The following GBE1 variants were observed in gnomAD, a reference collection of about 807,000 sequenced individuals.
GBE1 encodes the protein 1,4-alpha-glucan-branching enzyme.
GBE1 carries 70 observed loss-of-function variants against 88.8 expected under a neutral mutation model. The ratio of observed to expected loss-of-function variants is 0.79; its 90% CI spans 0.65 to 0.96. The LOEUF (loss-of-function observed/expected upper bound fraction) is 0.96. Among genes scored for constraint, GBE1 ranks in the 40% least tolerant of loss-of-function variants. The pLI, the probability that GBE1 is intolerant of heterozygous loss-of-function variation, is 0.00. For synonymous variants in GBE1, 284 were observed against 300.1 expected (o/e 0.95, Z 0.56); for missense variants, 872 against 871.0 (o/e 1.00, Z -0.01).
In GBE1 at chr3:81,686,571, A is replaced by C. The variant is rs192619238; in HGVS notation, c.314-15618T>G. ...CAGGAGTTTAAGACCAGCCTGACCA[A>C]CACGGAGAAACCCCATCTCTCCTAA... On this transcript the variant is annotated intron_variant, in intron 2 of 15. Transcript: ENST00000429644. Among the ~76,000 whole-genome samples the C allele has an allele frequency of 2.4e-3, 365 of 152,262 alleles. 5 individuals are homozygous for C. The highest frequency in any genetic ancestry group is 8.4e-3 in the African/African-American group (350 of 41,538).
intron 1 of GBE1, among the ~76,000 whole-genome samples, chr3:81,750,061 CTA>C (rs906928371): frequency 1.3e-5 from 2 of 152,146 alleles, no homozygotes; most frequent in Non-Finnish European, 2.9e-5. Context: ...CACTACACTC[CTA>C]TTACTAGTAA....
At chr3:81,506,423 G>A (rs1250663493) in intron 14 of GBE1, among the ~76,000 whole-genome samples, 2 of 152,054 alleles carry the variant, frequency 1.3e-5, no homozygotes, top group African/African-American at 2.4e-5. Flanking sequence ...GCGAGATTGT[G>A]GAGAAGAAGG....
chr3:81,525,793 C>A (rs542583298), intron 14 of GBE1, among the ~76,000 whole-genome samples: 2 of 152,156 alleles, frequency 1.3e-5, no homozygotes, highest in African/African-American at 2.4e-5. Context: ...TTATCCATTT[C>A]TTCTAGATTT....
At position 81,572,752 on chromosome 3, in the gene GBE1, T is replaced by A. The variant is rs896104625; in HGVS notation, c.1618+5173A>T. Among the ~76,000 whole-genome samples, 6 of 152,204 alleles carry A rather than the reference T, an allele frequency of 3.9e-5. 1 individual carries two copies. The South Asian group carries it at 1.0e-3, about 26-fold the overall frequency. ...TTCTATGTAGCGTTTAATAAGAAAA[T>A]CCTTTAATGCCCTTATTTTCATATT... On this transcript the variant is annotated intron_variant, in intron 12 of 15. Transcript: ENST00000429644.
chr3:81,622,899 C>T (rs1704352459), intron 7 of GBE1, among the ~76,000 whole-genome samples: 1 of 152,080 alleles, frequency 6.6e-6, no homozygotes, highest in Admixed American at 6.6e-5. Flanking sequence ...ATTATTAAAG[C>T]CCCTGATGCT....
intron 9 of GBE1, among the ~76,000 whole-genome samples, chr3:81,589,377 C>T (rs1025976573): frequency 1.3e-5 from 2 of 151,072 alleles, no homozygotes; most frequent in East Asian, 1.9e-4. Context: ...AAATACATTC[C>T]TTTTCTTAAA....
chr3:81,500,543 T>C (rs1362061776), intron 14 of GBE1, among the ~76,000 whole-genome samples: 1 of 152,158 alleles, frequency 6.6e-6, no homozygotes, highest in African/African-American at 2.4e-5. Flanking sequence ...AAAAAACAAC[T>C]GAATTAAAAT....
In GBE1 at chr3:81,646,372, C is replaced by T. The variant is rs1347791312; in HGVS notation, c.782+20G>A. ...TATTGGCTCAAAATAAAAATGAACA[C>T]AATGAGTCTCTGATTTTACCTGGAA... On this transcript the variant is annotated intron_variant, in intron 6 of 15. Transcript: ENST00000429644. 5 of 1,456,182 alleles carry T rather than the reference C, an allele frequency of 3.4e-6. No individual in the cohort carries two copies. Among genetic ancestry groups the T allele is most frequent in the Admixed American group, 3.9e-5 (2 of 51,730 alleles). The allele number at this position is 1,456,182 out of a possible 1,614,324, so 90.2% of individuals were successfully genotyped here. A position where few individuals can be genotyped will look rare whatever the true frequency, so the allele number is the denominator to read the frequency against.
At chr3:81,586,775 C>T (rs1438066345) in intron 9 of GBE1, among the ~76,000 whole-genome samples, 1 of 142,760 alleles carries the variant, frequency 7.0e-6, no homozygotes, top group Non-Finnish European at 1.5e-5. Context: ...GTGAAGGGAT[C>T]TCTCAAGATA....
At chr3:81,512,657 C>A (rs1702741024) in intron 14 of GBE1, among the ~76,000 whole-genome samples, 1 of 151,772 alleles carries the variant, frequency 6.6e-6, no homozygotes, top group Non-Finnish European at 1.5e-5. Context: ...AGATTTAAAT[C>A]ACATTTATTC....
chr3:81,509,237 A>T (rs1446322408), intron 14 of GBE1, among the ~76,000 whole-genome samples: 1 of 149,884 alleles, frequency 6.7e-6, no homozygotes. Context: ...AAGTTTAATC[A>T]TACAGTACAT....
At chr3:81,607,693 T>C (rs985519521) in intron 7 of GBE1, among the ~76,000 whole-genome samples, 5 of 152,240 alleles carry the variant, frequency 3.3e-5, no homozygotes, top group Non-Finnish European at 2.9e-5. Context: ...ACCTTATTTA[T>C]GTAATTTTGT....
Position 81,710,232 on chromosome 3 carries a change from C to CTTTTTTTTTTTTTTTTTT in GBE1, c.144-4637_144-4620dup, listed in dbSNP as rs397990331. Among the ~76,000 whole-genome samples the CTTTTTTTTTTTTTTTTTT allele has an allele frequency of 5.4e-5, 5 of 93,206 alleles. 1 individual carries two copies. The highest frequency in any genetic ancestry group is 2.3e-4 in the African/African-American group (5 of 21,754). 61.1% of individuals were successfully genotyped at this position (93,206 alleles called of 152,430 possible). A position where few individuals can be genotyped will look rare whatever the true frequency, so the allele number is the denominator to read the frequency against. On this transcript the variant is annotated intron_variant, in intron 1 of 15. Coordinates refer to ENST00000429644, the MANE Select transcript of GBE1 (RefSeq NM_000158.4). ...TTGTTTTACTCTTAAGGTAATTAAT[C>CTTTTTTTTTTTTTTTTTT]TTTTTTTTTTTTTTTTTTTTGAGAC...
chr3:81,544,281 G>C (rs1371496158), intron 12 of GBE1, among the ~76,000 whole-genome samples: 1 of 152,154 alleles, frequency 6.6e-6, no homozygotes, highest in Non-Finnish European at 1.5e-5. Flanking sequence ...GTAGCGCACA[G>C]AGGCAATGAC....
chr3:81,609,070 T>G (rs1388951109), intron 7 of GBE1, among the ~76,000 whole-genome samples: 2 of 152,160 alleles, frequency 1.3e-5, no homozygotes, highest in African/African-American at 4.8e-5. Context: ...AAGGTCTGTT[T>G]GTACAGAATC....
intron 12 of GBE1, among the ~76,000 whole-genome samples, chr3:81,557,515 G>C (rs925702878): frequency 1.3e-5 from 2 of 151,730 alleles, no homozygotes; most frequent in Non-Finnish European, 2.9e-5. Context: ...GAAAGGAGAA[G>C]GGAGAAGGAC....
intron 12 of GBE1, among the ~76,000 whole-genome samples, chr3:81,547,152 A>C (rs1279648596): frequency 6.6e-6 from 1 of 151,410 alleles, no homozygotes; most frequent in East Asian, 1.9e-4. Flanking sequence ...GGATTGCATT[A>C]GACGCCCAAT....
intron 2 of GBE1, among the ~76,000 whole-genome samples, chr3:81,680,502 A>G (rs1352209961): frequency 6.6e-6 from 1 of 152,016 alleles, no homozygotes; most frequent in Non-Finnish European, 1.5e-5. Context: ...CTCAAAAAAA[A>G]AAAAAAAAAA....
chr3:81,554,541 G>A (rs1430380491), intron 12 of GBE1, among the ~76,000 whole-genome samples: 1 of 152,178 alleles, frequency 6.6e-6, no homozygotes, highest in Non-Finnish European at 1.5e-5. Flanking sequence ...GTCAGAGTGA[G>A]TTCCTGTGGT....
Sources: gnomAD v4.1 joint callset for allele counts (sites outside exome capture counted in the v4.1 genomes callset) on GRCh38, gnomAD v4.1.1 for gene constraint, MANE v1.5 for transcripts, NCBI Gene and HGNC (gene_info 2026-07-23, HGNC 2026-07-21) for gene names.